Variants in SYCP1 observed in about 807,000 individuals in gnomAD.
The protein encoded by SYCP1 is synaptonemal complex protein 1, also known as cancer/testis antigen 8.
SYCP1 carries 64 observed loss-of-function variants against 153.1 expected under a neutral mutation model. The ratio of observed to expected loss-of-function variants is 0.42; its 90% CI spans 0.34 to 0.51. SYCP1 has a LOEUF of 0.51. SYCP1 is among the 20% of genes least tolerant of loss of function. The probability of loss-of-function intolerance (pLI) is 0.06; values close to 1 mark genes in which losing one functional copy is unlikely to be tolerated. For missense variants in SYCP1, 997 were observed against 1,049.0 expected (o/e 0.95, Z 0.68); for synonymous variants, 384 against 341.8 (o/e 1.12, Z -1.36).
At chr1:114,874,589 T>C in intron 9 of SYCP1, 25 bp downstream of exon 9, 3 of 1,473,490 alleles carry the variant, frequency 2.0e-6, no homozygotes, top group Non-Finnish European at 2.8e-6. Context: ...AATCTGAGTA[T>C]TTTAAACATA....
At chr1:114,965,578 A>T (rs1271140584) in intron 27 of SYCP1, among the ~76,000 whole-genome samples, 1 of 152,172 alleles carries the variant, frequency 6.6e-6, no homozygotes, top group Non-Finnish European at 1.5e-5. Flanking sequence ...GGGGTGTTGA[A>T]TTTTATCGAA....
chr1:114,873,598 T>C (rs1665315813), intron 8 of SYCP1, among the ~76,000 whole-genome samples: 1 of 152,206 alleles, frequency 6.6e-6, no homozygotes, highest in South Asian at 2.1e-4. Context: ...GAGGCCTTGT[T>C]AAGAACGGGA....
chr1:114,877,396 A>C (rs1325712953), intron 11 of SYCP1, among the ~76,000 whole-genome samples: 1 of 152,188 alleles, frequency 6.6e-6, no homozygotes, highest in Non-Finnish European at 1.5e-5. Flanking sequence ...CCCAAATGGA[A>C]AGCAATATAT....
intron 28 of SYCP1, among the ~76,000 whole-genome samples, chr1:114,980,673 A>G (rs1030353286): frequency 2.0e-5 from 3 of 152,004 alleles, no homozygotes; most frequent in Non-Finnish European, 4.4e-5. Flanking sequence ...TGAACCATAG[A>G]TTAGGGCTTT....
intron 28 of SYCP1, among the ~76,000 whole-genome samples, chr1:114,978,906 A>T (rs1459971315): frequency 6.6e-6 from 1 of 151,720 alleles, no homozygotes; most frequent in African/African-American, 2.4e-5. Flanking sequence ...CAAATTGGTT[A>T]ATCTCCAATA....
chr1:114,956,858 A>G (rs1208937315), intron 27 of SYCP1, among the ~76,000 whole-genome samples: 1 of 149,734 alleles, frequency 6.7e-6, no homozygotes, highest in Non-Finnish European at 1.5e-5. Flanking sequence ...ACTGAGAACC[A>G]CAAACAAAGG....
intron 27 of SYCP1, among the ~76,000 whole-genome samples, chr1:114,953,941 G>T (rs984681913): frequency 9.2e-5 from 14 of 151,888 alleles, no homozygotes; most frequent in Admixed American, 9.2e-4. Flanking sequence ...CCATTTATTA[G>T]ATATTTGATT....
chr1:114,874,635 G>C, intron 9 of SYCP1, 71 bp downstream of exon 9: 2 of 884,164 alleles, frequency 2.3e-6, no homozygotes, highest in Non-Finnish European at 1.8e-6. Flanking sequence ...TTGCTACAAA[G>C]ATATGGACAA....
chr1:114,942,605 T>G (rs1670453876), intron 23 of SYCP1, among the ~76,000 whole-genome samples: 1 of 151,912 alleles, frequency 6.6e-6, no homozygotes, highest in African/African-American at 2.4e-5. Context: ...ATTGCAGATA[T>G]GTAGTGCTAG....
At chr1:114,969,958 C>T (rs1672374006) in intron 27 of SYCP1, among the ~76,000 whole-genome samples, 1 of 152,184 alleles carries the variant, frequency 6.6e-6, no homozygotes, top group Non-Finnish European at 1.5e-5. Flanking sequence ...CTTCTGCTCG[C>T]CCTCTGTGGG....
intron 5 of SYCP1, 26 bp from the exon 6 acceptor site, chr1:114,858,517 CAATT>C: frequency 6.5e-7 from 1 of 1,532,262 alleles, no homozygotes; most frequent in Non-Finnish European, 8.8e-7. Flanking sequence ...GAATTTTGGA[CAATT>C]AATTTTTGAA....
intron 27 of SYCP1, among the ~76,000 whole-genome samples, chr1:114,957,779 G>C (rs1364414486): frequency 1.2e-4 from 19 of 152,098 alleles, no homozygotes. Flanking sequence ...AAAGTCAAAA[G>C]ATAGCAAGTG....
At chr1:114,954,604 C>T (rs190058932) in intron 27 of SYCP1, among the ~76,000 whole-genome samples, 1,542 of 142,074 alleles carry the variant, frequency 0.011, 26 homozygotes, top group African/African-American at 0.038. Flanking sequence ...ATTTTTGAGA[C>T]GGAGTCTTGC....
intron 27 of SYCP1, among the ~76,000 whole-genome samples, chr1:114,976,524 G>T (rs1377198366): frequency 6.6e-6 from 1 of 151,766 alleles, no homozygotes; most frequent in Non-Finnish European, 1.5e-5. Flanking sequence ...AGTCAGAATT[G>T]CAGAGACAGT....
intron 27 of SYCP1, among the ~76,000 whole-genome samples, chr1:114,963,037 T>G (rs2101889285): frequency 6.6e-6 from 1 of 152,358 alleles, no homozygotes; most frequent in East Asian, 1.9e-4. Context: ...CTGAGAAGTC[T>G]GCTGTTAATC....
intron 12 of SYCP1, 148 bp downstream of exon 12, chr1:114,878,350 G>A: frequency 1.9e-6 from 1 of 538,342 alleles, no homozygotes; most frequent in Non-Finnish European, 3.3e-6. Context: ...GGGCATAATA[G>A]ATTAACCTGG....
At chr1:114,913,493 T>C (rs1196911992) in intron 19 of SYCP1, among the ~76,000 whole-genome samples, 1 of 152,072 alleles carries the variant, frequency 6.6e-6, no homozygotes, top group Non-Finnish European at 1.5e-5. Flanking sequence ...TAAGAACTTA[T>C]GACTTAATAA....
At chr1:114,962,748 T>G (rs1671860682) in intron 27 of SYCP1, among the ~76,000 whole-genome samples, 1 of 152,194 alleles carries the variant, frequency 6.6e-6, no homozygotes, top group South Asian at 2.1e-4. Context: ...TTCATTGTGT[T>G]ATTGTTTTAT....
intron 23 of SYCP1, among the ~76,000 whole-genome samples, chr1:114,938,146 C>T (rs1670146502): frequency 6.6e-6 from 1 of 152,052 alleles, no homozygotes; most frequent in African/African-American, 2.4e-5. Context: ...TGGAACCAAC[C>T]CAAATGTCCA....
Sources: allele counts gnomAD v4.1 joint callset (sites outside exome capture counted in the v4.1 genomes callset), GRCh38; gene constraint gnomAD v4.1.1; transcripts MANE v1.5; gene names NCBI Gene and HGNC (gene_info 2026-07-23, HGNC 2026-07-21).